SPIRE1: variants seen among roughly 807,000 people sequenced by gnomAD.
The protein encoded by SPIRE1 is spire type actin nucleation factor 1, also known as protein spire homolog 1.
Under a neutral mutation model 94.1 loss-of-function variants are expected in SPIRE1, and 40 were observed. The ratio of observed to expected loss-of-function variants is 0.43; its 90% CI spans 0.33 to 0.55. The LOEUF (loss-of-function observed/expected upper bound fraction) is 0.55, where lower values mean the gene tolerates loss of function less well. SPIRE1 is among the 20% of genes least tolerant of loss of function. The pLI is 0.06. For synonymous variants in SPIRE1, 376 were observed against 371.7 expected (o/e 1.01, Z -0.13); for missense variants, 838 against 975.2 (o/e 0.86, Z 1.87).
At chr18:12,621,673 A>G (rs2037472193) in intron 2 of SPIRE1, among the ~76,000 whole-genome samples, 2 of 152,228 alleles carry the variant, frequency 1.3e-5, no homozygotes, top group African/African-American at 2.4e-5. Flanking sequence ...CTATACATAT[A>G]GAAAGTAGAT....
intron 10 of SPIRE1, among the ~76,000 whole-genome samples, chr18:12,472,832 G>T (rs1032377185): frequency 3.3e-5 from 5 of 151,502 alleles, no homozygotes; most frequent in African/African-American, 1.2e-4. Flanking sequence ...TCACTCTGTC[G>T]CCCAGGCTGG....
At chr18:12,536,778 C>T (rs11665542) in intron 3 of SPIRE1, among the ~76,000 whole-genome samples, 6,942 of 152,244 alleles carry the variant, frequency 0.046, 176 homozygotes, top group South Asian at 0.097. Flanking sequence ...TTAAGAGTCC[C>T]ATACACAGGA....
At chr18:12,570,607 C>T (rs2035937876) in intron 2 of SPIRE1, among the ~76,000 whole-genome samples, 2 of 152,130 alleles carry the variant, frequency 1.3e-5, no homozygotes, top group African/African-American at 2.4e-5. Context: ...GGGAAGCAGA[C>T]ATTAATTATT....
chr18:12,595,829 C>T (rs1366905161), intron 2 of SPIRE1, among the ~76,000 whole-genome samples: 1 of 152,150 alleles, frequency 6.6e-6, no homozygotes, highest in African/African-American at 2.4e-5. Flanking sequence ...ACAGAGACCT[C>T]CAGCATTTCA....
Position 12,454,334 on chromosome 18 carries a change from A to G in SPIRE1, c.1776+12T>C. 1 of 1,614,028 alleles carries G rather than the reference A, an allele frequency of 6.2e-7. No individual in the cohort carries two copies. The highest frequency in any genetic ancestry group is 1.7e-4 in the Middle Eastern group (1 of 6,060). ...TCTACTCTTCTGATCAATCAACTTTAAACAGCACTACCTTTCCTTTTTTCA... is the reference window on the plus strand; with the variant it reads ...TCTACTCTTCTGATCAATCAACTTTGAACAGCACTACCTTTCCTTTTTTCA... On this transcript the variant is annotated intron_variant, in intron 13 of 16. Coordinates refer to ENST00000409402, the MANE Select transcript of SPIRE1 (RefSeq NM_001128626.2).
intron 1 of SPIRE1, chr18:12,656,758 A>C: frequency 3.5e-6 from 3 of 866,918 alleles, no homozygotes; most frequent in Non-Finnish European, 4.2e-6. Context: ...ATTACTGTTT[A>C]GGTCATAATC....
chr18:12,461,880 CCTT>C (rs2031879907), intron 12 of SPIRE1, among the ~76,000 whole-genome samples: 1 of 152,180 alleles, frequency 6.6e-6, no homozygotes, highest in South Asian at 2.1e-4. Context: ...CGATTCTCCT[CCTT>C]TGGCCTCCCA....
chr18:12,642,114 A>G (rs1283981504), intron 1 of SPIRE1, among the ~76,000 whole-genome samples: 1 of 152,222 alleles, frequency 6.6e-6, no homozygotes, highest in Non-Finnish European at 1.5e-5. Context: ...TACAAAAAAC[A>G]GTCAGGGACA....
chr18:12,645,601 ACTC>A (rs1487744486), intron 1 of SPIRE1, among the ~76,000 whole-genome samples: 2 of 151,800 alleles, frequency 1.3e-5, no homozygotes, highest in East Asian at 3.9e-4. Context: ...CAGCCATAAC[ACTC>A]CTAACTGGTT....
chr18:12,506,472 CT>C lies in SPIRE1; in HGVS notation c.972+4del. 1.2e-6 allele frequency: 2 copies of C among 1,613,714 alleles called. No homozygotes were observed. Among genetic ancestry groups the C allele is most frequent in the South Asian group, 2.2e-5 (2 of 91,018 alleles). ...CATGCCCGGCCTGACAGCTTGGTTACTTACCATCACTTTTCGCAAGGTGTAT... is the reference window on the plus strand; with the variant it reads ...CATGCCCGGCCTGACAGCTTGGTTACTACCATCACTTTTCGCAAGGTGTAT... On this transcript the variant is annotated splice_donor_region_variant and intron_variant, in intron 6 of 16. Coordinates refer to ENST00000409402, the MANE Select transcript of SPIRE1 (RefSeq NM_001128626.2).
At chr18:12,539,801 C>A (rs1162313919) in intron 3 of SPIRE1, among the ~76,000 whole-genome samples, 1 of 151,488 alleles carries the variant, frequency 6.6e-6, no homozygotes, top group Non-Finnish European at 1.5e-5. Flanking sequence ...GGCGAGTGCA[C>A]CAAGTGCCTC....
chr18:12,461,565 A>G (rs868490416), intron 12 of SPIRE1, among the ~76,000 whole-genome samples: 3 of 132,584 alleles, frequency 2.3e-5, no homozygotes, highest in East Asian at 2.3e-4. Context: ...ATGCGTGTAT[A>G]TGTATGTACA....
At chr18:12,525,261 AGT>A (rs1169516601) in intron 4 of SPIRE1, among the ~76,000 whole-genome samples, 1 of 124,912 alleles carries the variant, frequency 8.0e-6, no homozygotes, top group Non-Finnish European at 1.6e-5. Context: ...TGGGCGACAG[AGT>A]GAGACTCCGT....
intron 2 of SPIRE1, among the ~76,000 whole-genome samples, chr18:12,580,331 T>C (rs1039729369): frequency 6.7e-5 from 10 of 150,292 alleles, no homozygotes; most frequent in Non-Finnish European, 5.9e-5. Flanking sequence ...CTCTCTCTCT[T>C]TTTTTTTTGG....
chr18:12,535,988 C>T (rs563668518), intron 3 of SPIRE1, among the ~76,000 whole-genome samples: 3 of 151,920 alleles, frequency 2.0e-5, no homozygotes, highest in African/African-American at 7.3e-5. Context: ...AACAGACACA[C>T]CCCCATATCT....
Position 12,655,312 on chromosome 18 carries a change from T to C in SPIRE1, c.337+2218A>G, listed in dbSNP as rs557946361. On this transcript the variant is annotated intron_variant, in intron 1 of 16. Coordinates refer to ENST00000409402, the MANE Select transcript of SPIRE1 (RefSeq NM_001128626.2). ...AAAGAAAGAAGGAAGGAATAGAATT[T>C]TTAAGTGTGCACACCACCAAATTAT... is the stretch of plus-strand genomic sequence containing the variant. 2.2e-4 allele frequency among the ~76,000 whole-genome samples: 34 copies of C among 152,202 alleles called. No individual in the cohort carries two copies. The South Asian group carries it at 4.8e-3, about 21-fold the overall frequency.
intron 2 of SPIRE1, among the ~76,000 whole-genome samples, chr18:12,561,268 A>AT (rs34495303): frequency 0.11 from 14,259 of 134,868 alleles, 987 homozygotes; most frequent in African/African-American, 0.17. Flanking sequence ...GAATAGATCA[A>AT]TTTTTTTTTT....
In SPIRE1 at chr18:12,559,409, C is replaced by T. The variant is rs1244064853; in HGVS notation, c.373-12505G>A. On this transcript the variant is annotated intron_variant, in intron 2 of 16. Coordinates refer to ENST00000409402, the MANE Select transcript of SPIRE1 (RefSeq NM_001128626.2). This position sits in a 1 kb window ranked among gnomAD's most constrained non-coding sequence, Gnocchi z 4.7. ...GCTGGCCGGGCGAGACTGCACCCAC[C>T]CGGAACTCGTGCTGGCCTGCGAACA... Among the ~76,000 whole-genome samples the T allele has an allele frequency of 1.3e-5, 2 of 152,176 alleles. No homozygotes were observed. The highest frequency in any genetic ancestry group is 4.8e-5 in the African/African-American group (2 of 41,460).
rs151277753 is a variant in SPIRE1 at position 12,643,925 on chromosome 18, A to C, written c.338-8829T>G. The stretch of plus-strand genomic sequence containing the variant: ...AAAGTCAAGCTGAGCACTGTGACTC[A>C]CATCTATAATCCCAGCACTTTGGAA... On this transcript the variant is annotated intron_variant, in intron 1 of 16. Transcript: ENST00000409402. 9.1e-3 allele frequency among the ~76,000 whole-genome samples: 1,381 copies of C among 151,856 alleles called. 29 individuals are homozygous for C. The highest frequency in any genetic ancestry group is 0.032 in the African/African-American group (1,326 of 41,408).
Sources: gnomAD v4.1 joint callset for allele counts (sites outside exome capture counted in the v4.1 genomes callset) on GRCh38, gnomAD v4.1.1 for gene constraint, Gnocchi (gnomAD v3.1) non-coding constraint, MANE v1.5 for transcripts, NCBI Gene and HGNC (gene_info 2026-07-23, HGNC 2026-07-21) for gene names.